GNAL: variants seen among roughly 807,000 people sequenced by gnomAD.
GNAL encodes G protein subunit alpha L, also known as guanine nucleotide-binding protein G(olf) subunit alpha.
A neutral mutation model predicts 55.1 loss-of-function variants in GNAL; 18 were observed. The ratio of observed to expected loss-of-function variants is 0.33; its 90% CI spans 0.23 to 0.48. GNAL has a LOEUF of 0.48. Ranked by LOEUF, GNAL falls within the 20% of genes least tolerant of loss-of-function variation. The pLI is 0.99. For synonymous variants in GNAL, 253 were observed against 237.0 expected, an observed-to-expected ratio of 1.07 and a Z score of -0.62; for missense variants, 412 against 614.1, an observed-to-expected ratio of 0.67 and a Z score of 3.48.
chr18:11,825,744 A>AAAAAAAAAAAAGG (rs2035225555), intron 5 of GNAL, among the ~76,000 whole-genome samples: 1 of 80,278 alleles, frequency 1.2e-5, no homozygotes, highest in African/African-American at 3.0e-5. Flanking sequence ...AAAAAAAAAA[A>AAAAAAAAAAAAGG]AAAAAGGAAA....
chr18:11,787,009 G>A (rs1050001890), intron 4 of GNAL, among the ~76,000 whole-genome samples: 16 of 152,022 alleles, frequency 1.1e-4, no homozygotes, highest in African/African-American at 3.4e-4. Context: ...GGAGACTGAG[G>A]TAGGAGGATC....
chr18:11,825,415 T>G (rs1228776741), intron 5 of GNAL, among the ~76,000 whole-genome samples: 1 of 152,138 alleles, frequency 6.6e-6, no homozygotes, highest in Non-Finnish European at 1.5e-5. Context: ...TAAAGTAATG[T>G]GATCATTCTG....
At chr18:11,776,682 T>A (rs1598448573) in intron 4 of GNAL, among the ~76,000 whole-genome samples, 1 of 128,400 alleles carries the variant, frequency 7.8e-6, no homozygotes, top group South Asian at 2.4e-4. Flanking sequence ...CACTCCAGCC[T>A]GGGCAACAGA....
intron 11 of GNAL, among the ~76,000 whole-genome samples, 184 bp downstream of exon 11, chr18:11,876,872 C>T (rs1478083974): frequency 6.6e-6 from 1 of 152,194 alleles, no homozygotes; most frequent in African/African-American, 2.4e-5. Flanking sequence ...AGATTTCTCA[C>T]CCAAGGTCAC....
chr18:11,799,727 A>G (rs758901629), intron 4 of GNAL, among the ~76,000 whole-genome samples: 10 of 152,224 alleles, frequency 6.6e-5, no homozygotes, highest in African/African-American at 9.6e-5. Flanking sequence ...CATTTCAGAT[A>G]AGGGATATTC....
chr18:11,843,346 T>C (rs530715598), intron 5 of GNAL, among the ~76,000 whole-genome samples: 20 of 151,974 alleles, frequency 1.3e-4, no homozygotes, highest in Non-Finnish European at 2.8e-4. Flanking sequence ...AGAAAATATG[T>C]AAAATTTTTT....
intron 4 of GNAL, among the ~76,000 whole-genome samples, chr18:11,824,065 G>C (rs60031367): frequency 1.3e-5 from 2 of 151,778 alleles, no homozygotes; most frequent in Non-Finnish European, 2.9e-5. Context: ...TTTTTTAAAC[G>C]AAAAAAGAAA....
In GNAL at chr18:11,787,536, A is replaced by T. The variant is rs568953317; in HGVS notation, c.624+33591A>T. On this transcript the variant is annotated intron_variant, in intron 4 of 11. Coordinates refer to ENST00000334049, the MANE Select transcript of GNAL (RefSeq NM_182978.4). ...TGGCAGCCATCATGTAATAAAAGTT[A>T]AACTGATAGCATGATTACCTGAGAG... 3.9e-5 allele frequency among the ~76,000 whole-genome samples: 6 copies of T among 152,340 alleles called. No homozygotes were observed. The South Asian group carries it at 1.2e-3, about 32-fold the overall frequency.
At chr18:11,728,160 G>A (rs537524872) in intron 1 of GNAL, among the ~76,000 whole-genome samples, 1 of 152,046 alleles carries the variant, frequency 6.6e-6, no homozygotes, top group Non-Finnish European at 1.5e-5. Context: ...GCCACAGTGC[G>A]CTGTGATCAC....
chr18:11,710,179 A>G (rs1056239146), intron 1 of GNAL, among the ~76,000 whole-genome samples: 7 of 152,134 alleles, frequency 4.6e-5, no homozygotes, highest in Admixed American at 2.0e-4. Flanking sequence ...TGTTGAGTTC[A>G]GTTTCCTAAT....
At chr18:11,869,841 G>A (rs548332355) in intron 9 of GNAL, among the ~76,000 whole-genome samples, 16 of 152,184 alleles carry the variant, frequency 1.1e-4, no homozygotes, top group African/African-American at 1.9e-4. Context: ...CCCAGGAGGC[G>A]GAGGTTACAG....
At chr18:11,870,538 ATT>A (rs796117173) in intron 9 of GNAL, among the ~76,000 whole-genome samples, 1 of 151,734 alleles carries the variant, frequency 6.6e-6, no homozygotes, top group Non-Finnish European at 1.5e-5. Context: ...AAAAAAAAAA[ATT>A]TTTTTAATTT....
intron 1 of GNAL, among the ~76,000 whole-genome samples, chr18:11,714,348 A>G (rs1430646627): frequency 2.0e-5 from 3 of 152,200 alleles, no homozygotes; most frequent in African/African-American, 7.2e-5. Context: ...GAAAGAGCAG[A>G]CAGGAGGGGA....
intron 4 of GNAL, among the ~76,000 whole-genome samples, chr18:11,780,974 A>G (rs2143352688): frequency 6.6e-6 from 1 of 152,322 alleles, no homozygotes; most frequent in African/African-American, 2.4e-5. Flanking sequence ...ACAGGCTACT[A>G]ATCTGTTACT....
chr18:11,853,263 A>C (rs1006375138), intron 5 of GNAL: 3 of 167,156 alleles, frequency 1.8e-5, no homozygotes, highest in Non-Finnish European at 4.4e-5. Flanking sequence ...TGAGAAGTAA[A>C]GAGGTAGGAC....
At chr18:11,753,034 A>G (rs1046721878) in intron 2 of GNAL, 109 bp downstream of exon 2, 4 of 620,996 alleles carry the variant, frequency 6.4e-6, no homozygotes, top group Non-Finnish European at 1.2e-5. Context: ...AATGGAGTAG[A>G]CATTCAAGGG....
intron 1 of GNAL, among the ~76,000 whole-genome samples, chr18:11,738,622 T>G (rs113447811): frequency 0.033 from 5,000 of 152,194 alleles, 104 homozygotes; most frequent in African/African-American, 0.055. Flanking sequence ...TAATTTTTTG[T>G]ATTTTCACTG....
At chr18:11,861,168 A>G (rs1180486537) in intron 5 of GNAL, among the ~76,000 whole-genome samples, 1 of 152,178 alleles carries the variant, frequency 6.6e-6, no homozygotes, top group African/African-American at 2.4e-5. Flanking sequence ...CGCAGCCTCC[A>G]GGCCGTCCAT....
intron 5 of GNAL, chr18:11,852,733 C>T (rs1263467238): frequency 6.0e-6 from 1 of 166,212 alleles, no homozygotes; most frequent in Non-Finnish European, 1.5e-5. Context: ...TTGCATAATA[C>T]TCTCTTACTG....
Sources: gnomAD v4.1 joint callset for allele counts (sites outside exome capture counted in the v4.1 genomes callset) on GRCh38, gnomAD v4.1.1 for gene constraint, MANE v1.5 for transcripts, NCBI Gene and HGNC (gene_info 2026-07-23, HGNC 2026-07-21) for gene names.